The following SYNE2 variants were observed in gnomAD, a reference collection of about 807,000 sequenced individuals.
SYNE2 encodes nesprin-2.
In SYNE2, 431 loss-of-function variants were observed where a neutral mutation model predicts 856.3. The observed-to-expected ratio is 0.50, with a 90% CI of 0.47 to 0.55. SYNE2 has a LOEUF of 0.55. Among genes scored for constraint, SYNE2 ranks in the 20% least tolerant of loss-of-function variants. SYNE2 has a pLI of 0.00. For synonymous variants in SYNE2, 2,923 were observed against 2,872.3 expected (o/e 1.02, Z -0.56); for missense variants, 8,129 against 8,023.2 (o/e 1.01, Z -0.50).
chr14:64,157,200 A>C (rs1447741252), intron 85 of SYNE2, among the ~76,000 whole-genome samples: 1 of 152,100 alleles, frequency 6.6e-6, no homozygotes, highest in Admixed American at 6.6e-5. Flanking sequence ...ATTACAGAAC[A>C]TTTTCATTAC....
chr14:63,843,471 A>G (rs534916194), intron 1 of SYNE2, among the ~76,000 whole-genome samples: 1 of 152,322 alleles, frequency 6.6e-6, no homozygotes, highest in African/African-American at 2.4e-5. Context: ...GCTATATTTT[A>G]AACCTTTATT....
chr14:64,155,413 A>G (rs562994985), intron 85 of SYNE2, among the ~76,000 whole-genome samples: 3 of 152,344 alleles, frequency 2.0e-5, no homozygotes, highest in Non-Finnish European at 2.9e-5. Flanking sequence ...GGACAATTCT[A>G]TAAAGACAGA....
intron 99 of SYNE2, among the ~76,000 whole-genome samples, chr14:64,194,829 C>A (rs747624016): frequency 1.3e-5 from 2 of 152,198 alleles, no homozygotes; most frequent in Non-Finnish European, 2.9e-5. Flanking sequence ...AAAAGACGGT[C>A]CTTGGATCTC....
intron 1 of SYNE2, among the ~76,000 whole-genome samples, chr14:63,856,721 C>T (rs990674775): frequency 2.0e-5 from 3 of 152,030 alleles, no homozygotes; most frequent in Admixed American, 6.6e-5. Flanking sequence ...TCATAATGCC[C>T]CCTTTCCTAC....
intron 35 of SYNE2, among the ~76,000 whole-genome samples, chr14:64,020,690 A>G (rs952421456): frequency 1.3e-5 from 2 of 152,278 alleles, no homozygotes; most frequent in South Asian, 2.1e-4. Context: ...ATTTCACTCA[A>G]GTCATCCTAG....
chr14:64,080,363 C>A, intron 55 of SYNE2, 93 bp from the exon 56 acceptor site: 1 of 1,228,280 alleles, frequency 8.1e-7, no homozygotes, highest in Non-Finnish European at 1.2e-6. Flanking sequence ...GTTTTAGTAG[C>A]ATTTATAAAT....
In SYNE2 at chr14:64,107,479, T is replaced by A; in HGVS notation, c.12493-12T>A. On this transcript the variant is annotated splice_polypyrimidine_tract_variant and intron_variant, in intron 64 of 115. Coordinates refer to ENST00000555002, the MANE Select transcript of SYNE2 (RefSeq NM_182914.3). Reference sequence around the variant, plus strand: ...AGGACCCTTTCTGGAGCTCTGATTCTTTTCTTTACAGGAAGCATATGGGAA... The same window carrying A: ...AGGACCCTTTCTGGAGCTCTGATTCATTTCTTTACAGGAAGCATATGGGAA... 6.2e-7 allele frequency: 1 copy of A among 1,611,280 alleles called. No homozygotes were observed. The highest frequency in any genetic ancestry group is 1.1e-5 in the South Asian group (1 of 91,032).
chr14:64,091,478 G>A (rs375644420), intron 60 of SYNE2, among the ~76,000 whole-genome samples: 5 of 152,338 alleles, frequency 3.3e-5, no homozygotes, highest in South Asian at 2.1e-4. Flanking sequence ...TACAGATAAG[G>A]AAATTGGCAT....
rs2097210483 is a variant in SYNE2 at position 64,049,660 on chromosome 14, A to C, written c.7427A>C (p.Glu2476Ala). The C allele has an allele frequency of 6.2e-7, 1 of 1,614,066 alleles. No individual in the cohort carries two copies. The highest frequency in any genetic ancestry group is 1.3e-5 in the African/African-American group (1 of 74,946). ...AAGAAAGCAGCCATTAAGCCACTGG[A>C]ACAAACAGAATGTCTTAACAAAACA... Reference protein sequence around the residue: ...EAKKAAIKPLEQTECLNKTET... With the variant: ...EAKKAAIKPLAQTECLNKTET... Residue 2476 changes from glutamate to alanine, a missense_variant, in exon 47 of 116, where the codon GAA (glutamate) becomes GCA (alanine). This residue lies in a region of SYNE2 where 5,410 missense variants were observed against 5,284.8 expected (regional missense o/e 1.02). Coordinates refer to ENST00000555002, the MANE Select transcript of SYNE2 (RefSeq NM_182914.3).
At chr14:63,876,358 C>G (rs542385579) in intron 1 of SYNE2, among the ~76,000 whole-genome samples, 1 of 152,012 alleles carries the variant, frequency 6.6e-6, no homozygotes, top group Non-Finnish European at 1.5e-5. Context: ...AAGCTATGAT[C>G]ATACTGCTAA....
At chr14:64,015,800 C>G (rs1244899950) in intron 32 of SYNE2, among the ~76,000 whole-genome samples, 1 of 151,740 alleles carries the variant, frequency 6.6e-6, no homozygotes, top group South Asian at 2.1e-4. Flanking sequence ...CAGACTTTTC[C>G]TCATTTTTAA....
At chr14:63,948,794 A>ATATATGTATATGTGTGTG (rs1566884813) in intron 6 of SYNE2, among the ~76,000 whole-genome samples, 1 of 80,844 alleles carries the variant, frequency 1.2e-5, no homozygotes, top group Non-Finnish European at 2.2e-5. Context: ...ATATATATAT[A>ATATATGTATATGTGTGTG]TATATATATA....
chr14:64,052,235 C>T lies in SYNE2; in HGVS notation c.8322C>T (p.Gly2774=), dbSNP rs2097232881. 1 of 1,614,186 alleles carries T rather than the reference C, an allele frequency of 6.2e-7. No homozygotes were observed. Among genetic ancestry groups the T allele is most frequent in the African/African-American group, 1.3e-5 (1 of 75,044 alleles). The part of the protein sequence containing the change: ...QIRKCKVTHD[G]ILARQQSVES... ...GAAAGTGCAAAGTGACACATGATGG[C>T]ATTCTAGCTAGGCAGCAGTCTGTGG... The change falls in exon 48 of 116, where the codon GGC becomes GGT. Residue 2774 remains glycine (G), a synonymous_variant. Transcript: ENST00000555002.
At chr14:63,938,542 A>G (rs2095860556) in intron 2 of SYNE2, among the ~76,000 whole-genome samples, 1 of 152,214 alleles carries the variant, frequency 6.6e-6, no homozygotes, top group Non-Finnish European at 1.5e-5. Context: ...TGTGATAGCA[A>G]GGATAGTCTA....
intron 1 of SYNE2, among the ~76,000 whole-genome samples, chr14:63,869,490 C>T (rs537635369): frequency 5.6e-4 from 85 of 151,598 alleles, no homozygotes; most frequent in Non-Finnish European, 1.0e-3. Flanking sequence ...GGCGTGGTGG[C>T]GGGCACCTGT....
intron 87 of SYNE2, among the ~76,000 whole-genome samples, chr14:64,160,376 A>G (rs1015513562): frequency 6.6e-6 from 1 of 152,248 alleles, no homozygotes; most frequent in Admixed American, 6.5e-5. Context: ...ACTGAAGAGA[A>G]GAACACTAAA....
In SYNE2 at chr14:64,143,746, T is replaced by C. The variant is rs1275737571; in HGVS notation, c.15307-26T>C. ...GATCTGACCAACATTCATGACTGCT[T>C]TGGTGTTTAACTTTGCTTATTTTAG... is the stretch of plus-strand genomic sequence containing the variant. On this transcript the variant is annotated intron_variant, in intron 82 of 115. Transcript: ENST00000555002. 9 of 1,613,510 alleles carry C rather than the reference T, an allele frequency of 5.6e-6. No individual in the cohort carries two copies. In the East Asian group the frequency reaches 1.8e-4, roughly 32 times the overall value.
rs1280814517 is a variant in SYNE2, at chr14:63,981,006, A to G, written c.1669A>G (p.Asn557Asp). ...TGTAGCTGGAGAATGTCAGAATATT[A>G]ATAAACAGTATATGATGGTGAAATC... ...KNLAGECQNI[N>D]KQYMMVKSDV... is the part of the protein sequence containing the mutation. Residue 557 changes from asparagine (N) to aspartate (D), a missense_variant, in exon 16 of 116, where the codon AAT (asparagine) becomes GAT (aspartate). By Grantham distance (23) the Asn-to-Asp change is conservative. Coordinates refer to ENST00000555002, the MANE Select transcript of SYNE2 (RefSeq NM_182914.3). 1.3e-6 allele frequency: 2 copies of G among 1,562,806 alleles called. No individual in the cohort carries two copies. The highest frequency in any genetic ancestry group is 4.5e-5 in the East Asian group (2 of 44,444).
At chr14:63,965,792 A>C (rs987223996) in intron 10 of SYNE2, among the ~76,000 whole-genome samples, 7 of 152,190 alleles carry the variant, frequency 4.6e-5, no homozygotes, top group Admixed American at 2.6e-4. Context: ...GGGATCAAAC[A>C]TCTTTTTCTT....
Sources: gnomAD v4.1 joint callset for allele counts (sites outside exome capture counted in the v4.1 genomes callset) on GRCh38, gnomAD v4.1.1 for gene constraint, gnomAD v4.1.1 regional missense constraint, MANE v1.5 for transcripts, NCBI Gene and HGNC (gene_info 2026-07-23, HGNC 2026-07-21) for gene names.